TMPRSS11E: variants seen among roughly 807,000 people sequenced by gnomAD.
TMPRSS11E encodes transmembrane protease serine 11E.
Under a neutral mutation model 48.1 loss-of-function variants are expected in TMPRSS11E, and 38 were observed. The observed-to-expected ratio is 0.79, with a 90% CI of 0.61 to 1.04. The LOEUF (loss-of-function observed/expected upper bound fraction) is 1.04, where lower values mean the gene tolerates loss of function less well. Ranked by LOEUF, TMPRSS11E falls within the 50% of genes least tolerant of loss-of-function variation. TMPRSS11E has a pLI of 0.00. For synonymous variants in TMPRSS11E, 158 were observed against 171.9 expected, an observed-to-expected ratio of 0.92 and a Z score of 0.63; for missense variants, 530 against 510.8, an observed-to-expected ratio of 1.04 and a Z score of -0.36.
chr4:68,483,303 G>A (rs556487382), intron 9 of TMPRSS11E, among the ~76,000 whole-genome samples: 13 of 152,202 alleles, frequency 8.5e-5, no homozygotes, highest in African/African-American at 2.2e-4. Context: ...ACCAGATATC[G>A]TGACAGTTCA....
intron 9 of TMPRSS11E, among the ~76,000 whole-genome samples, chr4:68,484,213 A>G (rs1729490287): frequency 6.6e-6 from 1 of 152,186 alleles, no homozygotes; most frequent in African/African-American, 2.4e-5. Context: ...TTTAATCTGT[A>G]AATTTCTTTG....
chr4:68,462,086 C>T (rs1728806386), intron 2 of TMPRSS11E, 141 bp downstream of exon 2: 8 of 1,079,644 alleles, frequency 7.4e-6, no homozygotes, highest in Non-Finnish European at 9.5e-6. Context: ...TACCTGCTTT[C>T]TCTCTTATTT....
intron 3 of TMPRSS11E, among the ~76,000 whole-genome samples, chr4:68,467,451 C>T (rs1728957703): frequency 6.6e-6 from 1 of 151,988 alleles, no homozygotes; most frequent in African/African-American, 2.4e-5. Context: ...TTCCTGGAAA[C>T]CTGTGAGGTA....
intron 9 of TMPRSS11E, among the ~76,000 whole-genome samples, chr4:68,493,014 C>A (rs950505995): frequency 1.3e-5 from 2 of 152,214 alleles, no homozygotes; most frequent in Non-Finnish European, 2.9e-5. Context: ...CCATTATTTT[C>A]TTTATTCAAC....
In TMPRSS11E at chr4:68,476,132, C is replaced by G. The variant is rs796928197; in HGVS notation, c.530-129C>G. On this transcript the variant is annotated intron_variant, in intron 6 of 9. Coordinates refer to ENST00000305363, the MANE Select transcript of TMPRSS11E (RefSeq NM_014058.4). ...ACTACAGTTTACAGAAAGGTAAGAG[C>G]ATGAGAAAACATTTGATACTTTTGG... The G allele has an allele frequency of 1.3e-5, 16 of 1,216,352 alleles. No individual in the cohort carries two copies. The African/African-American group carries it at 1.9e-4, about 15-fold the overall frequency. 75.3% of individuals were successfully genotyped at this position (1,216,352 alleles called of 1,614,324 possible).
chr4:68,466,193 C>T (rs573374240), intron 2 of TMPRSS11E, among the ~76,000 whole-genome samples: 20 of 152,210 alleles, frequency 1.3e-4, no homozygotes, highest in African/African-American at 3.9e-4. Flanking sequence ...AGAGTTCTTG[C>T]GGCCAGAATT....
Position 68,496,854 on chromosome 4 carries a change from G to A in TMPRSS11E, c.*50G>A, listed in dbSNP as rs1729885653. 2 of 1,539,632 alleles carry A rather than the reference G, an allele frequency of 1.3e-6. No homozygotes were observed. The highest frequency in any genetic ancestry group is 2.0e-5 in the Admixed American group (1 of 48,972). ...TAACATTTTTTTTTGTTTTTTGGGT[G>A]TGGAGGCCATTTTTAGAGATACAGA... On this transcript the variant is annotated 3_prime_UTR_variant, in exon 10 of 10. Transcript: ENST00000305363.
At chr4:68,470,046 A>G (rs1729021381) in intron 4 of TMPRSS11E, among the ~76,000 whole-genome samples, 1 of 151,906 alleles carries the variant, frequency 6.6e-6, no homozygotes, top group Non-Finnish European at 1.5e-5. Context: ...TTTATTGGAA[A>G]GATGAAGTCA....
intron 1 of TMPRSS11E, among the ~76,000 whole-genome samples, chr4:68,458,365 C>G (rs570578764): frequency 2.5e-3 from 376 of 151,278 alleles, no homozygotes; most frequent in Non-Finnish European, 3.5e-3. Flanking sequence ...ACAAAGCATA[C>G]TTTAACTGTT....
chr4:68,482,590 CAAAAAAAAAAAAAA>C (rs371144994), intron 9 of TMPRSS11E, among the ~76,000 whole-genome samples: 6 of 106,056 alleles, frequency 5.7e-5, no homozygotes, highest in South Asian at 3.8e-4. Context: ...TGCATCTCCA[CAAAAAAAAAAAAAA>C]AAAAAAAAAA....
intron 6 of TMPRSS11E, 126 bp from the exon 7 acceptor site, chr4:68,476,135 G>A: frequency 2.4e-6 from 3 of 1,268,216 alleles, no homozygotes; most frequent in South Asian, 1.3e-5. Flanking sequence ...GTAAGAGCAT[G>A]AGAAAACATT....
intron 9 of TMPRSS11E, among the ~76,000 whole-genome samples, chr4:68,484,775 T>C (rs1729506008): frequency 6.6e-6 from 1 of 152,340 alleles, no homozygotes; most frequent in African/African-American, 2.4e-5. Flanking sequence ...ATAGAAGTGC[T>C]CCTCATTTTA....
intron 1 of TMPRSS11E, among the ~76,000 whole-genome samples, chr4:68,460,205 T>C (rs768373185): frequency 6.6e-6 from 1 of 152,140 alleles, no homozygotes; most frequent in Non-Finnish European, 1.5e-5. Context: ...ATAACACCAT[T>C]GACTTCTATG....
intron 9 of TMPRSS11E, among the ~76,000 whole-genome samples, chr4:68,479,704 T>C (rs1729351982): frequency 6.6e-6 from 1 of 151,498 alleles, no homozygotes; most frequent in South Asian, 2.1e-4. Context: ...CAGAAGACAA[T>C]GTTTTGCTTC....
At chr4:68,459,808 C>A (rs745883742) in intron 1 of TMPRSS11E, among the ~76,000 whole-genome samples, 2 of 152,038 alleles carry the variant, frequency 1.3e-5, no homozygotes, top group African/African-American at 2.4e-5. Flanking sequence ...GTTGAGAAAC[C>A]CTTCTCTCCC....
At chr4:68,463,492 A>T (rs1344964941) in intron 2 of TMPRSS11E, among the ~76,000 whole-genome samples, 2 of 152,098 alleles carry the variant, frequency 1.3e-5, no homozygotes, top group South Asian at 2.1e-4. Flanking sequence ...TAGCAGAGAC[A>T]GGGTTTCACC....
Position 68,490,022 on chromosome 4 carries a change from G to A in TMPRSS11E, c.1111-6621G>A, listed in dbSNP as rs539747347. On this transcript the variant is annotated intron_variant, in intron 9 of 9. Transcript: ENST00000305363. ...CCCTGCCACCTTAACTGTCCATGGG[G>A]GATGAGGGGTCTCCTGCAGCTAAGA... Among the ~76,000 whole-genome samples, 4 of 152,272 alleles carry A rather than the reference G, an allele frequency of 2.6e-5. No individual in the cohort carries two copies. The East Asian group carries it at 7.7e-4, about 29-fold the overall frequency.
In TMPRSS11E at chr4:68,478,903, C is replaced by T. The variant is rs149009844; in HGVS notation, c.1022C>T (p.Thr341Ile). 6.2e-7 allele frequency: 1 copy of T among 1,614,034 alleles called. No homozygotes were observed. The change falls in exon 9 of 10, where the codon ACT becomes ATT. Residue 341 changes from threonine (T) to isoleucine (I), a missense_variant. Transcript: ENST00000305363. ...QAQVTLIDAT[T>I]CNEPQAYNDA... ...CAGGTGACTCTCATAGACGCTACAA[C>T]TTGCAATGAACCTCAAGCTTACAAT...
chr4:68,451,341 G>A (rs567935555), intron 1 of TMPRSS11E, among the ~76,000 whole-genome samples: 179 of 151,980 alleles, frequency 1.2e-3, no homozygotes, highest in South Asian at 4.4e-3. Context: ...CTGGACTAGA[G>A]AGAAGGAAGG....
Sources: allele counts gnomAD v4.1 joint callset (sites outside exome capture counted in the v4.1 genomes callset), GRCh38; gene constraint gnomAD v4.1.1; transcripts MANE v1.5; gene names NCBI Gene and HGNC (gene_info 2026-07-23, HGNC 2026-07-21).